The following SATB2 variants were observed in gnomAD, a reference collection of about 807,000 sequenced individuals.
SATB2 encodes the protein SATB homeobox 2.
A neutral mutation model predicts 73.4 loss-of-function variants in SATB2; 1 was observed. The ratio of observed to expected loss-of-function variants is 0.01; its 90% CI spans 0.00 to 0.06. The LOEUF (loss-of-function observed/expected upper bound fraction) is 0.06. SATB2 is among the 10% of genes least tolerant of loss of function. The pLI is 1.00. For missense variants in SATB2, 459 were observed against 945.8 expected (o/e 0.49, Z 6.75); for synonymous variants, 397 against 367.0 (o/e 1.08, Z -0.93).
chr2:199,400,576 C>T (rs1690440893), intron 3 of SATB2, among the ~76,000 whole-genome samples: 2 of 152,228 alleles, frequency 1.3e-5, no homozygotes, highest in South Asian at 2.1e-4. Flanking sequence ...AAACTATTTG[C>T]TATTTGCACT....
intron 3 of SATB2, among the ~76,000 whole-genome samples, chr2:199,404,823 T>C (rs916710197): frequency 1.1e-4 from 16 of 152,336 alleles, no homozygotes; most frequent in Admixed American, 9.8e-4. Context: ...TCCTTTCTGG[T>C]TATGCCCTTA....
chr2:199,375,780 A>C (rs1052330834), intron 5 of SATB2, among the ~76,000 whole-genome samples: 1 of 151,964 alleles, frequency 6.6e-6, no homozygotes, highest in Non-Finnish European at 1.5e-5. Context: ...TGGATGCCTC[A>C]CTCTCTTCTT....
upstream of SATB2, among the ~76,000 whole-genome samples, chr2:199,462,578 C>T (rs1014443988): frequency 2.0e-5 from 3 of 152,132 alleles, no homozygotes; most frequent in Non-Finnish European, 2.9e-5. The surrounding 1 kb of genome is among the most constrained non-coding windows in gnomAD (Gnocchi z 5.9). Flanking sequence ...GCACGCCTTC[C>T]TCGTTGGCAT....
At chr2:199,353,648 T>A (rs1215212124) in intron 6 of SATB2, among the ~76,000 whole-genome samples, 13 of 152,098 alleles carry the variant, frequency 8.5e-5, no homozygotes, top group Admixed American at 7.9e-4. Flanking sequence ...TTCTCTTTCT[T>A]TCTTTCCTCT....
intron 5 of SATB2, among the ~76,000 whole-genome samples, chr2:199,377,473 C>T (rs74942611): frequency 0.011 from 1,714 of 152,170 alleles, 37 homozygotes; most frequent in African/African-American, 0.039. Flanking sequence ...CAGAAGGTGG[C>T]CTTGTTAGAT....
intron 6 of SATB2, among the ~76,000 whole-genome samples, chr2:199,366,826 A>G (rs1325249895): frequency 1.3e-5 from 2 of 152,120 alleles, no homozygotes; most frequent in Non-Finnish European, 2.9e-5. Context: ...AAAAAAAAAA[A>G]AAGATACAGC....
At chr2:199,321,261 T>A (rs1455165834) in intron 9 of SATB2, among the ~76,000 whole-genome samples, 1 of 151,980 alleles carries the variant, frequency 6.6e-6, no homozygotes, top group Admixed American at 6.6e-5. Context: ...AAGATATATA[T>A]ATCCATAAGG....
chr2:199,423,572 C>A (rs1691237517), intron 3 of SATB2: 1 of 152,020 alleles, frequency 6.6e-6, no homozygotes, highest in African/African-American at 2.4e-5. Context: ...TCTGATATAT[C>A]TTTCATTGCA....
rs1446614613 is a variant in SATB2 at position 199,455,878 on chromosome 2, C to A, written c.160G>T (p.Ala54Ser). 5 of 1,537,090 alleles carry A rather than the reference C, an allele frequency of 3.3e-6. No homozygotes were observed. The highest frequency in any genetic ancestry group is 1.4e-5 in the African/African-American group (1 of 73,050). ...TGCTCCGGGCTGTTACCTCCCACGG[C>A]CTTGGCCACGGCGCCGTTGGGCCTC... ...RGRPNGAVAK[A>S]VGGLMIPVFC... The change falls in exon 2 of 11, where the codon GCC becomes TCC. Residue 54 changes from alanine to serine, a missense_variant. Transcript: ENST00000417098. The surrounding 1 kb of genome is among the most constrained non-coding windows in gnomAD (Gnocchi z 4.1).
chr2:199,467,046 G>C (rs964795611), upstream of SATB2, among the ~76,000 whole-genome samples: 7 of 152,268 alleles, frequency 4.6e-5, no homozygotes, highest in Non-Finnish European at 1.0e-4. Flanking sequence ...CGCCCAGGCT[G>C]AGGACAGAGC....
At chr2:199,452,446 C>G (rs1330458421) in intron 2 of SATB2, among the ~76,000 whole-genome samples, 1 of 152,142 alleles carries the variant, frequency 6.6e-6, no homozygotes. Flanking sequence ...GCATTCCATA[C>G]AGCAGAACAT....
In SATB2 at chr2:199,348,982, G is replaced by A; in HGVS notation, c.892C>T (p.Leu298Phe). Residue 298 changes from leucine (L) to phenylalanine (F), a missense_variant, in exon 7 of 11, where the codon CTT becomes TTT. Leu to Phe is a conservative substitution (Grantham distance 22, BLOSUM62 0). This residue lies in a region of SATB2 where 77 missense variants were observed against 90.4 expected (regional missense o/e 0.85). Transcript: ENST00000417098. ...ALQPIMSPGL[L>F]SPQLSPQLVR... Reference sequence around the variant, plus strand: ...AGTTGTGGACTAAGCTGGGGAGAAAGAAGACCAGGGCTCATGATGGGCTGT... The same window carrying A: ...AGTTGTGGACTAAGCTGGGGAGAAAAAAGACCAGGGCTCATGATGGGCTGT... 6.2e-7 allele frequency: 1 copy of A among 1,614,146 alleles called. No homozygotes were observed. The highest frequency in any genetic ancestry group is 8.5e-7 in the Non-Finnish European group (1 of 1,180,000).
At chr2:199,353,026 A>G (rs1409743867) in intron 6 of SATB2, among the ~76,000 whole-genome samples, 1 of 152,168 alleles carries the variant, frequency 6.6e-6, no homozygotes, top group Admixed American at 6.6e-5. Context: ...CAAGAATGAA[A>G]AAAGAAAAAA....
chr2:199,470,050 C>G (rs770424624), upstream of SATB2: 4 of 152,442 alleles, frequency 2.6e-5, no homozygotes, highest in African/African-American at 9.7e-5. Context: ...CCTTTACCCC[C>G]TTCCTTCACT....
chr2:199,325,956 A>G (rs1260079723), intron 8 of SATB2: 1 of 152,218 alleles, frequency 6.6e-6, no homozygotes, highest in Non-Finnish European at 1.5e-5. Context: ...GACTGGAGGT[A>G]TAATTTCAAA....
chr2:199,354,067 A>G (rs762061795), intron 6 of SATB2, among the ~76,000 whole-genome samples: 2 of 152,164 alleles, frequency 1.3e-5, no homozygotes, highest in Non-Finnish European at 2.9e-5. Flanking sequence ...CAGTAAAAAC[A>G]CAACTGCTGG....
intron 9 of SATB2, among the ~76,000 whole-genome samples, chr2:199,317,370 C>A (rs957498438): frequency 1.3e-5 from 2 of 151,964 alleles, no homozygotes; most frequent in Non-Finnish European, 2.9e-5. Context: ...GTCCTCTTCC[C>A]TAACCAGCTG....
rs1232393153 is a variant in SATB2, at chr2:199,455,542, A to G, written c.169+327T>C. Among the ~76,000 whole-genome samples the G allele has an allele frequency of 2.0e-5, 3 of 152,252 alleles. No homozygotes were observed. The highest frequency in any genetic ancestry group is 2.9e-5 in the Non-Finnish European group (2 of 68,054). ...CTTCATCCCTACAACAGACACTCCG[A>G]GGCAAGGCAAAAGAGTTAAATCACT... On this transcript the variant is annotated intron_variant, in intron 2 of 10. Coordinates refer to ENST00000417098, the MANE Select transcript of SATB2 (RefSeq NM_001172509.2). This position sits in a 1 kb window ranked among gnomAD's most constrained non-coding sequence, Gnocchi z 4.1.
At chr2:199,459,031 T>C (rs915274561), upstream of SATB2, among the ~76,000 whole-genome samples, 12 of 151,806 alleles carry the variant, frequency 7.9e-5, no homozygotes, top group Non-Finnish European at 1.6e-4. This position sits in a 1 kb window ranked among gnomAD's most constrained non-coding sequence, Gnocchi z 4.2. Flanking sequence ...GCGGGGTGCA[T>C]CCCTGGATGG....
Sources: gnomAD v4.1 joint callset for allele counts (sites outside exome capture counted in the v4.1 genomes callset) on GRCh38, gnomAD v4.1.1 for gene constraint, gnomAD v4.1.1 regional missense constraint, Gnocchi (gnomAD v3.1) non-coding constraint, MANE v1.5 for transcripts, NCBI Gene and HGNC (gene_info 2026-07-23, HGNC 2026-07-21) for gene names.